Variants in ZNF33B observed in about 807,000 individuals in gnomAD.
The protein encoded by ZNF33B is zinc finger protein 33B.
A neutral mutation model predicts 45.8 loss-of-function variants in ZNF33B; 29 were observed. That is an observed-to-expected ratio of 0.63 (90% CI 0.47 to 0.86). The LOEUF (loss-of-function observed/expected upper bound fraction) is 0.86, where lower values mean the gene tolerates loss of function less well. Ranked by LOEUF, ZNF33B falls within the 40% of genes least tolerant of loss-of-function variation. The probability of loss-of-function intolerance (pLI) is 0.00; values close to 1 mark genes in which losing one functional copy is unlikely to be tolerated. For synonymous variants in ZNF33B, 305 were observed against 307.8 expected, an observed-to-expected ratio of 0.99 and a Z score of 0.10; for missense variants, 831 against 909.9, an observed-to-expected ratio of 0.91 and a Z score of 1.12.
At chr10:42,627,785 G>A (rs1363047906) in intron 4 of ZNF33B, among the ~76,000 whole-genome samples, 1 of 152,042 alleles carries the variant, frequency 6.6e-6, no homozygotes, top group Non-Finnish European at 1.5e-5. Flanking sequence ...CACTCCAGAT[G>A]TTATTTAGAA....
intron 4 of ZNF33B, among the ~76,000 whole-genome samples, chr10:42,610,518 A>G (rs1209545676): frequency 1.3e-5 from 2 of 152,238 alleles, no homozygotes; most frequent in South Asian, 2.1e-4. Flanking sequence ...ACCCTGGGCA[A>G]TAAGAGCAAA....
At chr10:42,611,841 C>T (rs1416712009) in intron 4 of ZNF33B, among the ~76,000 whole-genome samples, 1 of 152,200 alleles carries the variant, frequency 6.6e-6, no homozygotes, top group African/African-American at 2.4e-5. Flanking sequence ...AAAGACTTAA[C>T]AGTTTTGGGA....
chr10:42,635,381 A>AG (rs201838290), intron 2 of ZNF33B, among the ~76,000 whole-genome samples: 1 of 152,122 alleles, frequency 6.6e-6, no homozygotes, highest in Non-Finnish European at 1.5e-5. Flanking sequence ...CAGGATTGTG[A>AG]GGGGGACAAG....
chr10:42,594,029 C>G lies in ZNF33B; in HGVS notation c.921G>C (p.Gly307=). The G allele has an allele frequency of 6.2e-7, 1 of 1,614,066 alleles. No individual in the cohort carries two copies. Among genetic ancestry groups the G allele is most frequent in the Non-Finnish European group, 8.5e-7 (1 of 1,179,972 alleles). Residue 307 remains glycine (G), a synonymous_variant, in exon 5 of 5, where the codon GGG becomes GGC. Transcript: ENST00000359467. ...PVKHYDCGES[G]NNFRRKLCLS... is the part of the protein sequence containing the mutation. ...GACACAATTTCCTCCTGAAATTATT[C>G]CCACTTTCACCACAATCATAGTGTT...
intron 4 of ZNF33B, among the ~76,000 whole-genome samples, chr10:42,604,701 T>C (rs190743044): frequency 6.6e-6 from 1 of 152,028 alleles, no homozygotes; most frequent in East Asian, 1.9e-4. Context: ...TCACCTGACG[T>C]CTAGGAGTTC....
chr10:42,610,938 AGTGGCATAGAGGTAAACAT>A (rs1249989700), intron 4 of ZNF33B, among the ~76,000 whole-genome samples: 1 of 152,274 alleles, frequency 6.6e-6, no homozygotes, highest in African/African-American at 2.4e-5. Flanking sequence ...ATGGCATGAT[AGTGGCATAGAGGTAAACAT>A]GTGAAATAAA....
At chr10:42,574,970 T>G (rs902525402) in intron 1 of ZNF33B, among the ~76,000 whole-genome samples, 1 of 152,142 alleles carries the variant, frequency 6.6e-6, no homozygotes, top group Non-Finnish European at 1.5e-5. Flanking sequence ...AAACTGTCAG[T>G]TGGTAAGAGA....
At position 42,601,482 on chromosome 10, in the gene ZNF33B, T is replaced by TG. The variant is rs1490883716; in HGVS notation, c.251-6784_251-6783insC. 1.1e-4 allele frequency among the ~76,000 whole-genome samples: 16 copies of TG among 141,180 alleles called. No individual in the cohort carries two copies. In the South Asian group the frequency reaches 1.4e-3, roughly 13 times the overall value. The allele number at this position is 141,180 out of a possible 152,430, so 92.6% of individuals were successfully genotyped here. A position where few individuals can be genotyped will look rare whatever the true frequency, so the allele number is the denominator to read the frequency against. The stretch of plus-strand genomic sequence containing the variant: ...CACATGGGCTTGTTTTTTTTTTTTT[T>TG]TTTTTTTTTTTGAGACACAGTCTCA... On this transcript the variant is annotated intron_variant, in intron 4 of 4. Transcript: ENST00000359467.
chr10:42,602,525 T>G (rs1236316824), intron 4 of ZNF33B, among the ~76,000 whole-genome samples: 2 of 152,178 alleles, frequency 1.3e-5, no homozygotes, highest in Non-Finnish European at 2.9e-5. Flanking sequence ...GACTGAGAGT[T>G]TTACTTGGTT....
chr10:42,622,594 C>T (rs1838638011), intron 4 of ZNF33B, among the ~76,000 whole-genome samples: 1 of 152,168 alleles, frequency 6.6e-6, no homozygotes, highest in Non-Finnish European at 1.5e-5. Context: ...AAAGCCTTTT[C>T]TTTCAGTTAA....
chr10:42,576,959 C>T (rs1836757131), intron 1 of ZNF33B, among the ~76,000 whole-genome samples: 1 of 151,864 alleles, frequency 6.6e-6, no homozygotes, highest in Non-Finnish European at 1.5e-5. Flanking sequence ...AAGATGAAAC[C>T]CTGTCTCTAC....
chr10:42,583,120 G>A, intron 1 of ZNF33B: 1 of 777,090 alleles, frequency 1.3e-6, no homozygotes, highest in Non-Finnish European at 2.3e-6. Flanking sequence ...AACACCTCAG[G>A]GGCCTGGGAG....
Position 42,589,142 on chromosome 10 carries a change from A to C in ZNF33B, c.*3471T>G. ...TTATTTACTTATTTATTTACTTAAT[A>C]CACTTCATTTTTTAGAGCAGCTTTA... On this transcript the variant is annotated 3_prime_UTR_variant, in exon 5 of 5. Transcript: ENST00000359467. 4.3e-6 allele frequency: 1 copy of C among 234,298 alleles called. No individual in the cohort carries two copies. The highest frequency in any genetic ancestry group is 7.0e-6 in the Non-Finnish European group (1 of 143,020). 14.5% of individuals were successfully genotyped at this position (234,298 alleles called of 1,614,324 possible).
At chr10:42,599,300 A>G (rs1281871381) in intron 4 of ZNF33B, among the ~76,000 whole-genome samples, 2 of 151,944 alleles carry the variant, frequency 1.3e-5, no homozygotes, top group African/African-American at 4.8e-5. Context: ...TACAGATTAT[A>G]TTGTTCTCCA....
At chr10:42,583,928 C>T (rs1269594479) in intron 1 of ZNF33B, among the ~76,000 whole-genome samples, 2 of 152,206 alleles carry the variant, frequency 1.3e-5, no homozygotes, top group Non-Finnish European at 2.9e-5. Flanking sequence ...GAGGCAGCCC[C>T]GTGAATTCCC....
intron 4 of ZNF33B, among the ~76,000 whole-genome samples, chr10:42,625,241 TTC>T (rs1483974161): frequency 1.3e-5 from 2 of 152,094 alleles, no homozygotes; most frequent in Non-Finnish European, 2.9e-5. Flanking sequence ...TATTTCAGTG[TTC>T]TTTTATTTCT....
At position 42,594,407 on chromosome 10, in the gene ZNF33B, CTTAATA is replaced by C. The variant is rs974875054; in HGVS notation, c.537_542del (p.Asn179_Ile180del). ...TCTCTCGAGTATGAGTTTCATCATGCTTAATATTGAGTAACAATTTCCCACATGCAT... is the reference window on the plus strand; with the variant it reads ...TCTCTCGAGTATGAGTTTCATCATGCTTGAGTAACAATTTCCCACATGCAT... On this transcript the variant is annotated inframe_deletion, in exon 5 of 5. Coordinates refer to ENST00000359467, the MANE Select transcript of ZNF33B (RefSeq NM_006955.3). The C allele has an allele frequency of 4.3e-6, 7 of 1,613,654 alleles. No individual in the cohort carries two copies. Among genetic ancestry groups the C allele is most frequent in the Non-Finnish European group, 5.9e-6 (7 of 1,179,820 alleles).
rs1367181005 is a variant in ZNF33B, at chr10:42,591,255, C to T, written c.*1358G>A. 1 of 928,218 alleles carries T rather than the reference C, an allele frequency of 1.1e-6. No individual in the cohort carries two copies. The highest frequency in any genetic ancestry group is 1.3e-6 in the Non-Finnish European group (1 of 778,268). 57.5% of individuals were successfully genotyped at this position (928,218 alleles called of 1,614,324 possible). A position where few individuals can be genotyped will look rare whatever the true frequency, so the allele number is the denominator to read the frequency against. On this transcript the variant is annotated 3_prime_UTR_variant, in exon 5 of 5. Transcript: ENST00000359467. ...TGTATGTGTGGGCCTCTTTCCAGGG[C>T]CCTGTCTTGGAGAGCAGCTGCTTAA...
chr10:42,624,082 G>A (rs899861029), intron 4 of ZNF33B, among the ~76,000 whole-genome samples: 15 of 152,256 alleles, frequency 9.9e-5, no homozygotes, highest in Admixed American at 7.9e-4. Flanking sequence ...CCAGCTTGCA[G>A]TTGGCCACTG....
Sources: allele counts gnomAD v4.1 joint callset (sites outside exome capture counted in the v4.1 genomes callset), GRCh38; gene constraint gnomAD v4.1.1; transcripts MANE v1.5; gene names NCBI Gene and HGNC (gene_info 2026-07-23, HGNC 2026-07-21).